The following ITPK1 variants were observed in gnomAD, a reference collection of about 807,000 sequenced individuals.
ITPK1 encodes inositol 1,3,4-trisphosphate 5/6-kinase.
A neutral mutation model predicts 45.3 loss-of-function variants in ITPK1; 21 were observed. The ratio of observed to expected loss-of-function variants is 0.46; its 90% confidence interval spans 0.33 to 0.67. The LOEUF is 0.67. Among genes scored for constraint, ITPK1 ranks in the 30% least tolerant of loss-of-function variants. The probability of loss-of-function intolerance (pLI) is 0.02; values close to 1 mark genes in which losing one functional copy is unlikely to be tolerated. For missense variants in ITPK1, 474 were observed against 573.5 expected (o/e 0.83, Z 1.77); for synonymous variants, 258 against 253.6 (o/e 1.02, Z -0.16).
intron 2 of ITPK1, among the ~76,000 whole-genome samples, chr14:93,087,654 T>C (rs1891701357): frequency 6.6e-6 from 1 of 152,192 alleles, no homozygotes; most frequent in Admixed American, 6.5e-5. Context: ...GGGCCTTACT[T>C]TGCCCACCAC....
chr14:93,016,358 G>T lies in ITPK1; in HGVS notation c.246+318C>A, dbSNP rs1273886258. On this transcript the variant is annotated intron_variant, in intron 4 of 10. Coordinates refer to ENST00000267615, the MANE Select transcript of ITPK1 (RefSeq NM_014216.6). The surrounding 1 kb of genome is among the most constrained non-coding windows in gnomAD (Gnocchi z 5.0). ...TGTGCCTACCTGAGCCAGGGGAAAG[G>T]GTTGCACATGCCTGTGCTGAGGACG... is the stretch of plus-strand genomic sequence containing the variant. Among the ~76,000 whole-genome samples the T allele has an allele frequency of 6.6e-6, 1 of 152,164 alleles. No homozygotes were observed. The highest frequency in any genetic ancestry group is 2.4e-5 in the African/African-American group (1 of 41,422).
At chr14:93,024,710 T>C (rs978892750) in intron 3 of ITPK1, among the ~76,000 whole-genome samples, 3 of 152,156 alleles carry the variant, frequency 2.0e-5, no homozygotes, top group Non-Finnish European at 4.4e-5. Flanking sequence ...TCCATGTCCT[T>C]AGGAGGCAGA....
chr14:93,077,759 A>T (rs541199857), intron 2 of ITPK1, among the ~76,000 whole-genome samples: 45 of 152,172 alleles, frequency 3.0e-4, no homozygotes, highest in Non-Finnish European at 5.1e-4. Flanking sequence ...CCTCTCCAGG[A>T]CGCCTCCTAA....
rs190696566 is a variant in ITPK1 at position 92,964,541 on chromosome 14, C to T, written c.365-1692G>A. On this transcript the variant is annotated intron_variant, in intron 5 of 10. Coordinates refer to ENST00000267615, the MANE Select transcript of ITPK1 (RefSeq NM_014216.6). Reference sequence around the variant, plus strand: ...GAAGCAGTCTGAGCAAAAGCCTCCTCGCTGCAAACACACCGCCCCTGCAAC... The same window carrying T: ...GAAGCAGTCTGAGCAAAAGCCTCCTTGCTGCAAACACACCGCCCCTGCAAC... Among the ~76,000 whole-genome samples the T allele has an allele frequency of 2.0e-3, 307 of 152,352 alleles. 1 individual carries two copies. Among genetic ancestry groups the T allele is most frequent in the Middle Eastern group, 0.01 (3 of 294 alleles).
intron 5 of ITPK1, among the ~76,000 whole-genome samples, chr14:92,965,691 A>G (rs1028047025): frequency 2.6e-5 from 4 of 152,244 alleles, no homozygotes; most frequent in Non-Finnish European, 5.9e-5. Context: ...AAGCAACTGT[A>G]CTTTTTTAAT....
intron 5 of ITPK1, among the ~76,000 whole-genome samples, chr14:92,980,722 C>A (rs995417020): frequency 6.6e-6 from 1 of 152,136 alleles, no homozygotes; most frequent in Admixed American, 6.5e-5. Context: ...GTTGCCCAGG[C>A]TAGAGTGCAG....
At position 92,940,307 on chromosome 14, in the gene ITPK1, C is replaced by T. The variant is rs546916178; in HGVS notation, c.*1254G>A. The T allele has an allele frequency of 3.0e-6, 3 of 991,012 alleles. No homozygotes were observed. The highest frequency in any genetic ancestry group is 1.1e-4 in the East Asian group (1 of 8,884). The allele number at this position is 991,012 out of a possible 1,614,324, so 61.4% of individuals were successfully genotyped here. ...GGGGGCTGATGCCTCTCACCCAGCACCCCACATCTTCCAGGACTGCAGAGG... is the reference window on the plus strand; with the variant it reads ...GGGGGCTGATGCCTCTCACCCAGCATCCCACATCTTCCAGGACTGCAGAGG... On this transcript the variant is annotated 3_prime_UTR_variant, in exon 11 of 11. Coordinates refer to ENST00000267615, the MANE Select transcript of ITPK1 (RefSeq NM_014216.6).
In ITPK1 at chr14:92,969,177, G is replaced by A. The variant is rs963489649; in HGVS notation, c.365-6328C>T. On this transcript the variant is annotated intron_variant, in intron 5 of 10. Coordinates refer to ENST00000267615, the MANE Select transcript of ITPK1 (RefSeq NM_014216.6). ...GTTGAGCCTCTACTAGATGCCAGGA[G>A]CTAACAATATAGTAATAAATAAAAC... 2.0e-5 allele frequency among the ~76,000 whole-genome samples: 3 copies of A among 152,120 alleles called. No homozygotes were observed. In the East Asian group the frequency reaches 5.8e-4, roughly 29 times the overall value.
At chr14:92,996,781 C>A (rs548942478) in intron 4 of ITPK1, among the ~76,000 whole-genome samples, 1 of 152,220 alleles carries the variant, frequency 6.6e-6, no homozygotes, top group Admixed American at 6.5e-5. Context: ...CCTAAACACA[C>A]CAGGAAGCAG....
At chr14:93,044,833 G>A (rs1179121273) in intron 3 of ITPK1, among the ~76,000 whole-genome samples, 7 of 152,326 alleles carry the variant, frequency 4.6e-5, no homozygotes, top group Non-Finnish European at 7.3e-5. Context: ...ACACCGTGAC[G>A]GACTAGCGTG....
At chr14:92,980,295 C>G (rs1226702807) in intron 5 of ITPK1, among the ~76,000 whole-genome samples, 1 of 152,196 alleles carries the variant, frequency 6.6e-6, no homozygotes, top group African/African-American at 2.4e-5. Flanking sequence ...CTTGGCTGAG[C>G]CAGAGCCCCT....
chr14:92,990,768 C>T (rs772711011), intron 5 of ITPK1, among the ~76,000 whole-genome samples: 1 of 152,200 alleles, frequency 6.6e-6, no homozygotes, highest in Non-Finnish European at 1.5e-5. Context: ...GGGAGACAGA[C>T]GGCCCACCTG....
chr14:93,034,847 A>G lies in ITPK1; in HGVS notation c.121-18046T>C, dbSNP rs1889250509. Among the ~76,000 whole-genome samples the G allele has an allele frequency of 1.3e-5, 2 of 152,218 alleles. No homozygotes were observed. Among genetic ancestry groups the G allele is most frequent in the Admixed American group, 1.3e-4 (2 of 15,290 alleles). On this transcript the variant is annotated intron_variant, in intron 3 of 10. Coordinates refer to ENST00000267615, the MANE Select transcript of ITPK1 (RefSeq NM_014216.6). The surrounding 1 kb of genome is among the most constrained non-coding windows in gnomAD (Gnocchi z 4.1). ...TATGCCCTGTGTGGGCCTGCACCAC[A>G]GGGCCGAGGATTCAGTGGTTCCCTC...
Position 92,993,897 on chromosome 14 carries a change from A to G in ITPK1, c.347T>C (p.Ile116Thr), listed in dbSNP as rs773273625. 8.1e-6 allele frequency: 13 copies of G among 1,610,596 alleles called. No individual in the cohort carries two copies. In the Admixed American group the frequency reaches 1.3e-4, roughly 17 times the overall value. The change falls in exon 5 of 11, where the codon ATT (isoleucine) becomes ACT (threonine). Residue 116 changes from isoleucine to threonine, a missense_variant. By Grantham distance (89) the Ile-to-Thr change is moderately conservative (BLOSUM62 -1). Around this residue, in one of 2 missense-constraint regions of ITPK1, gnomAD observed 367 missense variants for 480.6 expected, o/e 0.76. Transcript: ENST00000267615. ...RSKSYELIRK[I>T]EAYMEDDRIC... is the part of the protein sequence containing the mutation. ...GTCCCTACCTTCCATGTAGGCCTCA[A>G]TCTTCCGGATGAGCTCATAGGACTT...
At chr14:93,115,412 CCCCGCCGCCTGCGGGCTCG>C (rs1892907678) in intron 1 of ITPK1, 107 bp from the exon 2 acceptor site, 4 of 151,132 alleles carry the variant, frequency 2.6e-5, no homozygotes, top group South Asian at 4.1e-4. Context: ...CCGCCCACGC[CCCCGCCGCCTGCGGGCTCG>C]CCCGCCCGCC....
intron 5 of ITPK1, among the ~76,000 whole-genome samples, chr14:92,991,086 C>T (rs79235675): frequency 6.6e-6 from 1 of 152,170 alleles, no homozygotes; most frequent in African/African-American, 2.4e-5. Context: ...AGCACAAAAG[C>T]GTGTCACTGG....
chr14:92,993,762 C>T (rs1193373820), intron 5 of ITPK1, 118 bp downstream of exon 5: 1 of 683,532 alleles, frequency 1.5e-6, no homozygotes, highest in African/African-American at 1.8e-5. Flanking sequence ...TCAAATGCTT[C>T]CTGCCCCAAA....
At position 92,939,651 on chromosome 14, in the gene ITPK1, C is replaced by T. The variant is rs1887257503; in HGVS notation, c.*1910G>A. ...ACCACGACACCACATGGCAGTTACTCGGTATCTGGGCCCTGGACGCGCAAG... is the reference window on the plus strand; with the variant it reads ...ACCACGACACCACATGGCAGTTACTTGGTATCTGGGCCCTGGACGCGCAAG... On this transcript the variant is annotated 3_prime_UTR_variant, in exon 11 of 11. Transcript: ENST00000267615. 9 of 984,100 alleles carry T rather than the reference C, an allele frequency of 9.1e-6. No homozygotes were observed. Among genetic ancestry groups the T allele is most frequent in the Non-Finnish European group, 8.4e-6 (7 of 828,938 alleles). The allele number at this position is 984,100 out of a possible 1,614,324, so 61.0% of individuals were successfully genotyped here.
At chr14:93,002,313 C>T (rs1373641747) in intron 4 of ITPK1, among the ~76,000 whole-genome samples, 17 of 151,988 alleles carry the variant, frequency 1.1e-4, no homozygotes, top group Non-Finnish European at 1.5e-5. Context: ...TGCACTCAGC[C>T]GGGGCATTAC....
Sources: gnomAD v4.1 joint callset for allele counts (sites outside exome capture counted in the v4.1 genomes callset) on GRCh38, gnomAD v4.1.1 for gene constraint, gnomAD v4.1.1 regional missense constraint, Gnocchi (gnomAD v3.1) non-coding constraint, MANE v1.5 for transcripts, NCBI Gene and HGNC (gene_info 2026-07-23, HGNC 2026-07-21) for gene names.